Variants in MTUS2 observed in about 807,000 individuals in gnomAD.
The protein encoded by MTUS2 is microtubule associated scaffold protein 2, also known as microtubule-associated tumor suppressor candidate 2.
MTUS2 carries 40 observed loss-of-function variants against 114.1 expected under a neutral mutation model. The observed-to-expected ratio is 0.35, with a 90% CI of 0.27 to 0.46. The LOEUF is 0.46. MTUS2 is among the 20% of genes least tolerant of loss of function. The pLI is 1.00. For missense variants in MTUS2, 1,679 were observed against 1,705.4 expected, an observed-to-expected ratio of 0.98 and a Z score of 0.27; for synonymous variants, 688 against 672.0, an observed-to-expected ratio of 1.02 and a Z score of -0.37.
At chr13:29,387,340 C>T (rs539256860) in intron 8 of MTUS2, among the ~76,000 whole-genome samples, 35 of 152,238 alleles carry the variant, frequency 2.3e-4, no homozygotes, top group African/African-American at 7.2e-4. Context: ...GCGGGAGCTT[C>T]AGCACCAAGC....
chr13:28,906,868 C>T (rs909185437), intron 2 of MTUS2, among the ~76,000 whole-genome samples: 2 of 151,482 alleles, frequency 1.3e-5, no homozygotes, highest in African/African-American at 2.4e-5. Context: ...TCTAGCAAGG[C>T]AGGCCAACAT....
chr13:29,405,056 A>G (rs3923090), intron 8 of MTUS2, among the ~76,000 whole-genome samples: 38,803 of 152,130 alleles, frequency 0.26, 5,402 homozygotes, highest in African/African-American at 0.36. Context: ...TTGTAGAGCT[A>G]AAGTATGCCT....
At chr13:29,000,513 C>A (rs117380732) in intron 2 of MTUS2, among the ~76,000 whole-genome samples, 4,074 of 152,098 alleles carry the variant, frequency 0.027, 83 homozygotes, top group Middle Eastern at 0.058. Flanking sequence ...TAGGTGCACG[C>A]CACCACACCC....
chr13:28,947,365 C>T (rs1495939), intron 2 of MTUS2, among the ~76,000 whole-genome samples: 9,419 of 151,940 alleles, frequency 0.062, 972 homozygotes, highest in African/African-American at 0.21. Flanking sequence ...AATGCATGAG[C>T]GAGTGTTTAC....
chr13:28,875,428 T>G (rs1452271587), intron 2 of MTUS2, among the ~76,000 whole-genome samples: 1 of 152,264 alleles, frequency 6.6e-6, no homozygotes, highest in Admixed American at 6.5e-5. Context: ...AAAGTGGATT[T>G]GTTTTTTGTT....
At chr13:28,925,062 A>G (rs1163909113) in intron 2 of MTUS2, among the ~76,000 whole-genome samples, 2 of 152,110 alleles carry the variant, frequency 1.3e-5, no homozygotes, top group Non-Finnish European at 2.9e-5. Context: ...TCCTTTCTCT[A>G]ATGCTAAGAG....
chr13:29,307,572 G>A, intron 6 of MTUS2: 2 of 1,240,720 alleles, frequency 1.6e-6, no homozygotes, highest in Non-Finnish European at 2.4e-6. Context: ...TAAAGCAGGT[G>A]TCAGAGGGCC....
intron 1 of MTUS2, among the ~76,000 whole-genome samples, chr13:28,835,012 A>G (rs528949716): frequency 9.1e-4 from 139 of 152,344 alleles, no homozygotes; most frequent in African/African-American, 3.3e-3. Flanking sequence ...TTAAAAAGAC[A>G]AAATTAAGTG....
At chr13:29,498,563 A>G (rs1255050838) in intron 14 of MTUS2, 26 bp downstream of exon 14, 1 of 1,613,402 alleles carries the variant, frequency 6.2e-7, no homozygotes. Flanking sequence ...TGCTCGGGAG[A>G]GTAACCTCCA....
chr13:29,011,331 C>T (rs1885835146), intron 2 of MTUS2, among the ~76,000 whole-genome samples: 1 of 152,152 alleles, frequency 6.6e-6, no homozygotes, highest in Non-Finnish European at 1.5e-5. Context: ...GCCTAAACGC[C>T]ATCCTGAAAA....
At chr13:28,920,287 A>T (rs545058968) in intron 2 of MTUS2, among the ~76,000 whole-genome samples, 1 of 152,180 alleles carries the variant, frequency 6.6e-6, no homozygotes. Context: ...TGGGCCTCAA[A>T]CCCAATAACA....
chr13:28,820,234 T>TGCGCCCCGGCC (rs1873790054), upstream of MTUS2: 1 of 145,912 alleles, frequency 6.9e-6, no homozygotes. Context: ...GGTCCCCGGC[T>TGCGCCCCGGCC]GCGCCCCGGC....
At chr13:29,403,139 T>C (rs912682378) in intron 8 of MTUS2, among the ~76,000 whole-genome samples, 5 of 152,206 alleles carry the variant, frequency 3.3e-5, no homozygotes, top group Non-Finnish European at 7.3e-5. Context: ...AATAGCCCTA[T>C]CCTCCAATTC....
chr13:29,361,265 C>T (rs1169935725), intron 8 of MTUS2, among the ~76,000 whole-genome samples: 1 of 152,164 alleles, frequency 6.6e-6, no homozygotes, highest in East Asian at 1.9e-4. Flanking sequence ...CTTGGCATGA[C>T]ATTTCAGCAA....
At chr13:29,207,327 G>T (rs1593603676) in intron 5 of MTUS2, among the ~76,000 whole-genome samples, 1 of 152,288 alleles carries the variant, frequency 6.6e-6, no homozygotes, top group Non-Finnish European at 1.5e-5. Flanking sequence ...CTTTTAGGAT[G>T]AGGCTTTAGG....
chr13:29,158,819 C>G (rs2139069335), intron 5 of MTUS2, among the ~76,000 whole-genome samples: 1 of 152,228 alleles, frequency 6.6e-6, no homozygotes, highest in Middle Eastern at 3.4e-3. Context: ...ACCCACTGTT[C>G]AAGGATAGCA....
intron 2 of MTUS2, among the ~76,000 whole-genome samples, chr13:28,981,182 A>T (rs1884342521): frequency 6.6e-6 from 1 of 152,236 alleles, no homozygotes; most frequent in African/African-American, 2.4e-5. Flanking sequence ...AAATTTCATT[A>T]TGTATATTTT....
rs927029086 is a variant in MTUS2 at position 28,951,682 on chromosome 13, C to G, written c.-242-72775C>G. On this transcript the variant is annotated intron_variant, in intron 2 of 15. Transcript: ENST00000612955. Reference sequence around the variant, plus strand: ...GGTGTGGTGGTGCACGCCTGTAGTCCCAGCTTCCTGGGAGGCTGAGGCACG... The same window carrying G: ...GGTGTGGTGGTGCACGCCTGTAGTCGCAGCTTCCTGGGAGGCTGAGGCACG... Among the ~76,000 whole-genome samples, 4 of 152,002 alleles carry G rather than the reference C, an allele frequency of 2.6e-5. No homozygotes were observed. The East Asian group carries it at 7.7e-4, about 29-fold the overall frequency.
At chr13:28,990,442 C>G (rs937045816) in intron 2 of MTUS2, among the ~76,000 whole-genome samples, 1 of 152,126 alleles carries the variant, frequency 6.6e-6, no homozygotes, top group African/African-American at 2.4e-5. Flanking sequence ...ATGCACCAAT[C>G]AGCACTCTGT....
Sources: allele counts gnomAD v4.1 joint callset (sites outside exome capture counted in the v4.1 genomes callset), GRCh38; gene constraint gnomAD v4.1.1; transcripts MANE v1.5; gene names NCBI Gene and HGNC (gene_info 2026-07-23, HGNC 2026-07-21).